Variants in DPP10 observed in about 807,000 individuals in gnomAD.
DPP10 encodes inactive dipeptidyl peptidase 10.
In DPP10, 33 loss-of-function variants were observed where a neutral mutation model predicts 120.9. The observed-to-expected ratio is 0.27, with a 90% CI of 0.21 to 0.37. The LOEUF (loss-of-function observed/expected upper bound fraction) is 0.37. DPP10 is among the 10% of genes least tolerant of loss of function. The probability of loss-of-function intolerance (pLI) is 1.00; values close to 1 mark genes in which losing one functional copy is unlikely to be tolerated. For synonymous variants in DPP10, 337 were observed against 326.1 expected, an observed-to-expected ratio of 1.03 and a Z score of -0.36; for missense variants, 816 against 942.8, an observed-to-expected ratio of 0.87 and a Z score of 1.76.
chr2:115,709,292 C>T (rs1199568221), intron 7 of DPP10, among the ~76,000 whole-genome samples: 1 of 151,990 alleles, frequency 6.6e-6, no homozygotes, highest in African/African-American at 2.4e-5. Flanking sequence ...CTGTAACTGC[C>T]AGAGAATGAG....
Position 115,750,078 on chromosome 2 carries a change from G to A in DPP10, c.951-3096G>A. 3.0e-6 allele frequency: 3 copies of A among 985,282 alleles called. 1 individual carries two copies. The South Asian group carries it at 1.4e-4, about 46-fold the overall frequency. The allele number at this position is 985,282 out of a possible 1,614,324, so 61.0% of individuals were successfully genotyped here. A position where few individuals can be genotyped will look rare whatever the true frequency, so the allele number is the denominator to read the frequency against. On this transcript the variant is annotated intron_variant, in intron 10 of 25. Transcript: ENST00000410059. Reference sequence around the variant, plus strand: ...AGCAGGAAACCCAGTTATAAGAAAGGGACACTTCTGCTGGCCACTGGTCGT... The same window carrying A: ...AGCAGGAAACCCAGTTATAAGAAAGAGACACTTCTGCTGGCCACTGGTCGT...
intron 1 of DPP10, among the ~76,000 whole-genome samples, chr2:115,129,363 T>A (rs569092208): frequency 6.6e-6 from 1 of 152,182 alleles, no homozygotes. Flanking sequence ...CACGGAAATA[T>A]GAGAGCTGTC....
intron 1 of DPP10, among the ~76,000 whole-genome samples, chr2:114,520,980 T>C (rs13027566): frequency 0.16 from 24,306 of 152,168 alleles, 2,085 homozygotes; most frequent in Middle Eastern, 0.27. Context: ...CCCCGATTCT[T>C]GGGCAGAACT....
chr2:115,560,873 G>A (rs539321338), intron 5 of DPP10, among the ~76,000 whole-genome samples: 9 of 152,240 alleles, frequency 5.9e-5, no homozygotes, highest in African/African-American at 1.7e-4. Context: ...CAGTGGTCTT[G>A]TCTTGATGTC....
chr2:114,902,997 TA>T (rs1467588841), intron 1 of DPP10, among the ~76,000 whole-genome samples: 1 of 152,200 alleles, frequency 6.6e-6, no homozygotes, highest in Non-Finnish European at 1.5e-5. Flanking sequence ...CTAATCTTTT[TA>T]TTATCTCTAT....
intron 5 of DPP10, among the ~76,000 whole-genome samples, chr2:115,543,764 G>T (rs1010154392): frequency 6.6e-6 from 1 of 151,866 alleles, no homozygotes; most frequent in African/African-American, 2.4e-5. Context: ...TGTGAATGTC[G>T]CTGTTGCTGT....
chr2:114,725,430 T>C (rs922361434), intron 1 of DPP10, among the ~76,000 whole-genome samples: 12 of 152,220 alleles, frequency 7.9e-5, no homozygotes, highest in Non-Finnish European at 1.6e-4. Context: ...TTACATGACC[T>C]TCTTACCTTT....
intron 1 of DPP10, among the ~76,000 whole-genome samples, chr2:114,790,572 T>A (rs561979873): frequency 7.9e-5 from 12 of 151,404 alleles, no homozygotes; most frequent in Admixed American, 7.9e-4. Flanking sequence ...GAAAAGAGAG[T>A]CCGCAAAGGG....
At chr2:115,658,626 C>G (rs1039053399) in intron 5 of DPP10, among the ~76,000 whole-genome samples, 7 of 152,046 alleles carry the variant, frequency 4.6e-5, no homozygotes, top group African/African-American at 1.7e-4. Flanking sequence ...TGTCATTCAA[C>G]TTGGGTACAA....
At chr2:115,026,456 C>T (rs1046993628) in intron 1 of DPP10, among the ~76,000 whole-genome samples, 1 of 152,104 alleles carries the variant, frequency 6.6e-6, no homozygotes, top group Admixed American at 6.6e-5. Context: ...ATGATGCCTG[C>T]AGCTTTGTTC....
intron 1 of DPP10, among the ~76,000 whole-genome samples, chr2:114,701,913 C>T (rs1700406629): frequency 6.6e-6 from 1 of 152,064 alleles, no homozygotes; most frequent in African/African-American, 2.4e-5. Flanking sequence ...CAAATCAGCG[C>T]AAGCCTAGAG....
chr2:114,548,548 C>T (rs1460777911), intron 1 of DPP10, among the ~76,000 whole-genome samples: 1 of 152,168 alleles, frequency 6.6e-6, no homozygotes, highest in Non-Finnish European at 1.5e-5. Context: ...TGCTCTGATA[C>T]AAGCCACAGC....
At chr2:115,161,485 C>A (rs191551670) in intron 1 of DPP10, 3,790 of 151,542 alleles carry the variant, frequency 0.025, 143 homozygotes, top group African/African-American at 0.085. Flanking sequence ...CTCTCCCCCC[C>A]CCCGGCTGCG....
At chr2:115,574,723 C>T (rs1158485978) in intron 5 of DPP10, among the ~76,000 whole-genome samples, 1 of 152,184 alleles carries the variant, frequency 6.6e-6, no homozygotes, top group Non-Finnish European at 1.5e-5. Flanking sequence ...TGGAACAATG[C>T]CTGGAATATG....
intron 1 of DPP10, among the ~76,000 whole-genome samples, chr2:114,679,978 G>A (rs1214291017): frequency 2.0e-5 from 3 of 152,068 alleles, no homozygotes; most frequent in South Asian, 2.1e-4. Flanking sequence ...AGGATTCTCC[G>A]CAGGTATTTT....
At chr2:114,591,233 C>A (rs1479461374) in intron 1 of DPP10, among the ~76,000 whole-genome samples, 5 of 152,200 alleles carry the variant, frequency 3.3e-5, no homozygotes, top group African/African-American at 1.2e-4. Context: ...AGGTGTGAGA[C>A]TTTCATCTTG....
intron 1 of DPP10, among the ~76,000 whole-genome samples, chr2:114,599,884 T>G (rs1366567187): frequency 6.6e-6 from 1 of 151,776 alleles, no homozygotes; most frequent in Non-Finnish European, 1.5e-5. Context: ...TTTTCTATAT[T>G]AATATTAACA....
chr2:114,955,691 C>A (rs1453111640), intron 1 of DPP10, among the ~76,000 whole-genome samples: 2 of 152,094 alleles, frequency 1.3e-5, no homozygotes, highest in Non-Finnish European at 2.9e-5. Flanking sequence ...GTGCAAACGT[C>A]CTCAGCAAAA....
intron 1 of DPP10, among the ~76,000 whole-genome samples, chr2:115,244,239 T>TAGAG (rs67598156): frequency 3.9e-4 from 36 of 93,478 alleles, no homozygotes; most frequent in Non-Finnish European, 5.8e-4. Context: ...TATATATATA[T>TAGAG]AGAGAGAGAG....
Sources: gnomAD v4.1 joint callset for allele counts (sites outside exome capture counted in the v4.1 genomes callset) on GRCh38, gnomAD v4.1.1 for gene constraint, MANE v1.5 for transcripts, NCBI Gene and HGNC (gene_info 2026-07-23, HGNC 2026-07-21) for gene names.